INTS1: variants seen among roughly 807,000 people sequenced by gnomAD.
The protein encoded by INTS1 is integrator complex subunit 1.
Under a neutral mutation model 241.6 loss-of-function variants are expected in INTS1, and 137 were observed. That is an observed-to-expected ratio of 0.57 (90% CI 0.49 to 0.65). INTS1 has a LOEUF of 0.65. Among genes scored for constraint, INTS1 ranks in the 30% least tolerant of loss-of-function variants. The pLI, the probability that INTS1 is intolerant of heterozygous loss-of-function variation, is 0.00. For synonymous variants in INTS1, 1,692 were observed against 1,337.8 expected (o/e 1.26, Z -5.78); for missense variants, 3,073 against 3,032.2 (o/e 1.01, Z -0.32).
intron 24 of INTS1, 73 bp from the exon 25 acceptor site, chr7:1,484,243 C>T (rs1055387430): frequency 7.5e-6 from 11 of 1,459,456 alleles, no homozygotes; most frequent in Admixed American, 3.7e-5. Flanking sequence ...GTGACCTCGT[C>T]GCAGGCACGC....
chr7:1,474,342 C>T lies in INTS1; in HGVS notation c.5655G>A (p.Ala1885=), dbSNP rs574453727. Reference sequence around the variant, plus strand: ...GGTGGGTGCGGCCGTGCAGGAGCGCCGCGATCATGGGCAGGTGCCTGCGGG... The same window carrying T: ...GGTGGGTGCGGCCGTGCAGGAGCGCTGCGATCATGGGCAGGTGCCTGCGGG... ...LLLLRHLPMI[A]ALLHGRTHLN... is the part of the protein sequence containing the mutation. The change falls in exon 41 of 48, where the codon GCG becomes GCA. Residue 1885 remains alanine, a synonymous_variant. Transcript: ENST00000404767. 171 of 1,601,272 alleles carry T rather than the reference C, an allele frequency of 1.1e-4. 2 individuals carry two copies. In the South Asian group the frequency reaches 1.5e-3, roughly 14 times the overall value.
chr7:1,481,930 G>A lies in INTS1; in HGVS notation c.3704-442C>T, dbSNP rs867953548. Among the ~76,000 whole-genome samples, 4 of 152,156 alleles carry A rather than the reference G, an allele frequency of 2.6e-5. No individual in the cohort carries two copies. Among genetic ancestry groups the A allele is most frequent in the Admixed American group, 6.5e-5 (1 of 15,280 alleles). ...TCCAGAGGGCCTATGGTGGCACGGC[G>A]CAGTACACTTCCGAAGCTGCACGCA... On this transcript the variant is annotated intron_variant, in intron 27 of 47. Coordinates refer to ENST00000404767, the MANE Select transcript of INTS1 (RefSeq NM_001080453.3). The surrounding 1 kb of genome is among the most constrained non-coding windows in gnomAD (Gnocchi z 6.8).
At position 1,476,603 on chromosome 7, in the gene INTS1, G is replaced by T; in HGVS notation, c.5118C>A (p.Arg1706=). ...TGCGCTGGTCCCGCCCCTGCCAGAT[G>T]CGAGGAACATGGATGCAGGCCCAGA... is the stretch of plus-strand genomic sequence containing the variant. The part of the protein sequence containing the change: ...DFLWACIHVP[R]IWQGRDQRTP... The change falls in exon 37 of 48, where the codon CGC becomes CGA. Residue 1706 remains arginine (R), a synonymous_variant. Coordinates refer to ENST00000404767, the MANE Select transcript of INTS1 (RefSeq NM_001080453.3). 6.2e-7 allele frequency: 1 copy of T among 1,612,126 alleles called. No homozygotes were observed. Among genetic ancestry groups the T allele is most frequent in the Non-Finnish European group, 8.5e-7 (1 of 1,179,712 alleles).
In INTS1 at chr7:1,476,845, G is replaced by C. The variant is rs1554274457; in HGVS notation, c.5012C>G (p.Pro1671Arg). ...LTLFTHQSSW[P>R]TLHQCIRVLL... ...GACTCGGATGCACTGGTGCAGTGTG[G>C]GCCAGCTGGACTGATGCGTGAAGAG... The change falls in exon 36 of 48, where the codon CCC becomes CGC. Residue 1671 changes from proline (P) to arginine (R), a missense_variant. Transcript: ENST00000404767. 1 of 1,612,984 alleles carries C rather than the reference G, an allele frequency of 6.2e-7. No individual in the cohort carries two copies.
At chr7:1,502,532 G>C (rs535107690) in intron 3 of INTS1, among the ~76,000 whole-genome samples, 1 of 152,316 alleles carries the variant, frequency 6.6e-6, no homozygotes, top group Non-Finnish European at 1.5e-5. Flanking sequence ...CTCAGGTTGA[G>C]AGAGGAACGC....
At position 1,480,883 on chromosome 7, in the gene INTS1, C is replaced by T; in HGVS notation, c.3901G>A (p.Gly1301Ser). ...EVQHERGASG[G>S]QTFHSLLTAS... ...GTGAGCAAGGAGTGGAAAGTCTGGC[C>T]TCCGGAGGCGCCGCGCTCATGCTGG... Residue 1301 changes from glycine (G) to serine (S), a missense_variant, in exon 29 of 48, where the codon GGC becomes AGC. Physicochemically the swap from Gly to Ser is moderately conservative, Grantham distance 56 (BLOSUM62 0). Coordinates refer to ENST00000404767, the MANE Select transcript of INTS1 (RefSeq NM_001080453.3). 4 of 1,557,908 alleles carry T rather than the reference C, an allele frequency of 2.6e-6. No homozygotes were observed. The highest frequency in any genetic ancestry group is 1.2e-5 in the South Asian group (1 of 84,592).
Position 1,487,344 on chromosome 7 carries a change from A to G in INTS1, c.2622T>C (p.Phe874=), listed in dbSNP as rs2128539151. The part of the protein sequence containing the change: ...HLLCRSRNPD[F]LLHIIQRQAS... ...CCTGCCGCTGGATGATGTGGAGGAG[A>G]AAGTCAGGGTTTCGGCTGCGGCACA... Residue 874 remains phenylalanine (F), a synonymous_variant, in exon 20 of 48, where the codon TTT becomes TTC. Coordinates refer to ENST00000404767, the MANE Select transcript of INTS1 (RefSeq NM_001080453.3). 6.2e-7 allele frequency: 1 copy of G among 1,604,882 alleles called. No individual in the cohort carries two copies. Among genetic ancestry groups the G allele is most frequent in the Admixed American group, 1.7e-5 (1 of 58,844 alleles).
Position 1,474,323 on chromosome 7 carries a change from T to C in INTS1, c.5674A>G (p.Thr1892Ala). The C allele has an allele frequency of 6.2e-7, 1 of 1,606,640 alleles. No individual in the cohort carries two copies. Among genetic ancestry groups the C allele is most frequent in the African/African-American group, 1.3e-5 (1 of 74,802 alleles). The part of the protein sequence containing the change: ...PMIAALLHGR[T>A]HLNFQEFRQQ... ...CGGAACTCCTGGAAGTTGAGGTGGG[T>C]GCGGCCGTGCAGGAGCGCCGCGATC... The change falls in exon 41 of 48, where the codon ACC becomes GCC. Residue 1892 changes from threonine to alanine, a missense_variant. By Grantham distance (58) the Thr-to-Ala change is moderately conservative (BLOSUM62 0). Transcript: ENST00000404767.
intron 41 of INTS1, 77 bp from the exon 42 acceptor site, chr7:1,473,770 C>G: frequency 6.4e-7 from 1 of 1,569,178 alleles, no homozygotes. Flanking sequence ...CATCTGCTCC[C>G]AGAGCCTCAG....
chr7:1,484,297 C>G (rs1208379882), intron 24 of INTS1, 127 bp from the exon 25 acceptor site: 1 of 991,510 alleles, frequency 1.0e-6, no homozygotes, highest in Admixed American at 2.6e-5. Context: ...CGCAGACCCT[C>G]ACTCAGCCGC....
In INTS1 at chr7:1,497,125, C is replaced by T. The variant is rs1014212033; in HGVS notation, c.1602+13G>A. 4 of 1,588,946 alleles carry T rather than the reference C, an allele frequency of 2.5e-6. No homozygotes were observed. Among genetic ancestry groups the T allele is most frequent in the Admixed American group, 1.8e-5 (1 of 56,936 alleles). The stretch of plus-strand genomic sequence containing the variant: ...CAGTGAGGGAAAGGCGCCCCAGCGG[C>T]GAGGGCTGGCACCTTGAACTCCATC... On this transcript the variant is annotated intron_variant, in intron 11 of 47. Coordinates refer to ENST00000404767, the MANE Select transcript of INTS1 (RefSeq NM_001080453.3). The surrounding 1 kb of genome is among the most constrained non-coding windows in gnomAD (Gnocchi z 5.3).
chr7:1,481,832 G>T lies in INTS1; in HGVS notation c.3704-344C>A, dbSNP rs1007202911. On this transcript the variant is annotated intron_variant, in intron 27 of 47. Transcript: ENST00000404767. This position sits in a 1 kb window ranked among gnomAD's most constrained non-coding sequence, Gnocchi z 6.8. ...CCCGAGACCTGGGGCCGCACAAGGG[G>T]GCAGCGTGTCGGGACCACCTTGCAC... Among the ~76,000 whole-genome samples, 2 of 152,074 alleles carry T rather than the reference G, an allele frequency of 1.3e-5. No individual in the cohort carries two copies. Among genetic ancestry groups the T allele is most frequent in the African/African-American group, 4.8e-5 (2 of 41,418 alleles).
rs574442129 is a variant in INTS1 at position 1,479,896 on chromosome 7, C to A, written c.4075-212G>T. ...GGGACCCCAACACCCAGGAGCTGCC[C>A]CAGAGAACAAAGGTGTCCAGAGCCT... On this transcript the variant is annotated intron_variant, in intron 30 of 47. Coordinates refer to ENST00000404767, the MANE Select transcript of INTS1 (RefSeq NM_001080453.3). Among the ~76,000 whole-genome samples the A allele has an allele frequency of 1.9e-4, 29 of 152,298 alleles. No individual in the cohort carries two copies. In the South Asian group the frequency reaches 6.0e-3, roughly 32 times the overall value.
At position 1,470,394 on chromosome 7, in the gene INTS1, C is replaced by G; in HGVS notation, c.*183G>C. On this transcript the variant is annotated 3_prime_UTR_variant, in exon 48 of 48. Coordinates refer to ENST00000404767, the MANE Select transcript of INTS1 (RefSeq NM_001080453.3). ...AGGGCTTGCTGGACGGCCCCTGATG[C>G]CAGCGGCCGGCCCGGAGCCACCCCA... 1.9e-6 allele frequency: 1 copy of G among 525,600 alleles called. No individual in the cohort carries two copies. The highest frequency in any genetic ancestry group is 3.3e-6 in the Non-Finnish European group (1 of 300,450). The allele number at this position is 525,600 out of a possible 1,614,324, so 32.6% of individuals were successfully genotyped here.
intron 36 of INTS1, 22 bp from the exon 37 acceptor site, chr7:1,476,679 A>T: frequency 6.2e-7 from 1 of 1,612,600 alleles, no homozygotes; most frequent in Non-Finnish European, 8.5e-7. Context: ...CAAAGGTTCC[A>T]GAGCACGAGG....
intron 39 of INTS1, among the ~76,000 whole-genome samples, chr7:1,475,348 G>A (rs1443630162): frequency 1.3e-5 from 2 of 152,110 alleles, no homozygotes; most frequent in Non-Finnish European, 1.5e-5. Flanking sequence ...TGGTACCGCT[G>A]CACTCCAGCC....
In INTS1 at chr7:1,493,195, T is replaced by G; in HGVS notation, c.2069-89A>C. On this transcript the variant is annotated intron_variant, in intron 15 of 47. Transcript: ENST00000404767. This position sits in a 1 kb window ranked among gnomAD's most constrained non-coding sequence, Gnocchi z 5.3. ...GGGAACCGGCCCTGCTCGGGCCGCG[T>G]CGGGGTGGGGTGGGGGATGCCGCAG... 1.8e-5 allele frequency: 13 copies of G among 723,322 alleles called. No homozygotes were observed. The highest frequency in any genetic ancestry group is 2.0e-5 in the Non-Finnish European group (9 of 449,284). 44.8% of individuals were successfully genotyped at this position (723,322 alleles called of 1,614,324 possible).
Position 1,481,436 on chromosome 7 carries a change from G to T in INTS1, c.3756C>A (p.Gly1252=). The T allele has an allele frequency of 6.2e-7, 1 of 1,612,340 alleles. No homozygotes were observed. Among genetic ancestry groups the T allele is most frequent in the Non-Finnish European group, 8.5e-7 (1 of 1,179,470 alleles). The part of the protein sequence containing the change: ...QQLLLFVQSF[G]IPVSSMSKLL... ...GTTTGCTCATGCTGGACACGGGGATGCCAAACGACTGCACGAACAGCAGCA... is the reference window on the plus strand; with the variant it reads ...GTTTGCTCATGCTGGACACGGGGATTCCAAACGACTGCACGAACAGCAGCA... Residue 1252 remains glycine (G), a synonymous_variant, in exon 28 of 48, where the codon GGC becomes GGA. Coordinates refer to ENST00000404767, the MANE Select transcript of INTS1 (RefSeq NM_001080453.3). This position sits in a 1 kb window ranked among gnomAD's most constrained non-coding sequence, Gnocchi z 6.8.
rs374456567 is a variant in INTS1 at position 1,497,317 on chromosome 7, G to A, written c.1426-3C>T. 2 of 1,610,558 alleles carry A rather than the reference G, an allele frequency of 1.2e-6. No individual in the cohort carries two copies. The highest frequency in any genetic ancestry group is 2.7e-5 in the African/African-American group (2 of 74,830). On this transcript the variant is annotated splice_region_variant and splice_polypyrimidine_tract_variant and intron_variant, in intron 10 of 47. Transcript: ENST00000404767. This position sits in a 1 kb window ranked among gnomAD's most constrained non-coding sequence, Gnocchi z 5.3. Reference sequence around the variant, plus strand: ...TCCTGGAACACCATGGCCAGGAACTGGGGCAGAGAGAGGCCGCGTGGGAGG... The same window carrying A: ...TCCTGGAACACCATGGCCAGGAACTAGGGCAGAGAGAGGCCGCGTGGGAGG...
Sources: gnomAD v4.1 joint callset for allele counts (sites outside exome capture counted in the v4.1 genomes callset) on GRCh38, gnomAD v4.1.1 for gene constraint, Gnocchi (gnomAD v3.1) non-coding constraint, MANE v1.5 for transcripts, NCBI Gene and HGNC (gene_info 2026-07-23, HGNC 2026-07-21) for gene names.